The following TMC2 variants were observed in gnomAD, a reference collection of about 807,000 sequenced individuals.
TMC2 encodes transmembrane channel like 2.
In TMC2, 102 loss-of-function variants were observed where a neutral mutation model predicts 105.9. That is an observed-to-expected ratio of 0.96 (90% confidence interval 0.82 to 1.14). The LOEUF is 1.14. Among genes scored for constraint, TMC2 ranks in the 50% most tolerant of loss-of-function variants. The probability of loss-of-function intolerance (pLI) is 0.00; values close to 1 mark genes in which losing one functional copy is unlikely to be tolerated. For missense variants in TMC2, 1,093 were observed against 1,134.3 expected (o/e 0.96, Z 0.52); for synonymous variants, 402 against 422.8 (o/e 0.95, Z 0.60).
rs1465925416 is a variant in TMC2, at chr20:2,642,998, T to G, written c.*1647T>G. ...CATAAGCTGTACAATTAAAATAATTTCTAACTTCCCTCCCAAATCCCTTCC... is the reference window on the plus strand; with the variant it reads ...CATAAGCTGTACAATTAAAATAATTGCTAACTTCCCTCCCAAATCCCTTCC... On this transcript the variant is annotated 3_prime_UTR_variant, in exon 20 of 20. Coordinates refer to ENST00000358864, the MANE Select transcript of TMC2 (RefSeq NM_080751.3). Among the ~76,000 whole-genome samples, 1 of 152,130 alleles carries G rather than the reference T, an allele frequency of 6.6e-6. No individual in the cohort carries two copies. Among genetic ancestry groups the G allele is most frequent in the Non-Finnish European group, 1.5e-5 (1 of 68,024 alleles).
chr20:2,586,234 T>C (rs897853404), intron 7 of TMC2, among the ~76,000 whole-genome samples: 1 of 152,202 alleles, frequency 6.6e-6, no homozygotes, highest in African/African-American at 2.4e-5. Flanking sequence ...TTCAGTTCTC[T>C]TTACCATGAG....
chr20:2,627,746 G>T (rs759373721), intron 17 of TMC2, among the ~76,000 whole-genome samples: 1 of 152,076 alleles, frequency 6.6e-6, no homozygotes, highest in East Asian at 1.9e-4. Context: ...TGGAGAGCTG[G>T]ACCAATACAA....
At position 2,641,435 on chromosome 20, in the gene TMC2, C is replaced by T. The variant is rs2086688732; in HGVS notation, c.*84C>T. ...CACATACCAAACCAAGGTTCTCTCC[C>T]CTCTTTCCTCTCACATACATGCTCT... is the stretch of plus-strand genomic sequence containing the variant. On this transcript the variant is annotated 3_prime_UTR_variant, in exon 20 of 20. Transcript: ENST00000358864. 2.5e-6 allele frequency: 2 copies of T among 788,742 alleles called. No individual in the cohort carries two copies. The highest frequency in any genetic ancestry group is 1.6e-5 in the South Asian group (1 of 62,052). The allele number at this position is 788,742 out of a possible 1,614,324, so 48.9% of individuals were successfully genotyped here. A position where few individuals can be genotyped will look rare whatever the true frequency, so the allele number is the denominator to read the frequency against.
rs371287207 is a variant in TMC2 at position 2,602,331 on chromosome 20, G to A, written c.1413+30G>A. 11 of 1,501,036 alleles carry A rather than the reference G, an allele frequency of 7.3e-6. No homozygotes were observed. In the East Asian group the frequency reaches 1.7e-4, roughly 23 times the overall value. The allele number at this position is 1,501,036 out of a possible 1,614,324, so 93.0% of individuals were successfully genotyped here. A position where few individuals can be genotyped will look rare whatever the true frequency, so the allele number is the denominator to read the frequency against. On this transcript the variant is annotated intron_variant, in intron 11 of 19. Transcript: ENST00000358864. The stretch of plus-strand genomic sequence containing the variant: ...GAAAAACATCGCTGATGAACTGAAG[G>A]TTGATGGCAAATACTGAAATCACTG...
At chr20:2,633,434 C>T (rs1177248520) in intron 17 of TMC2, among the ~76,000 whole-genome samples, 1 of 152,208 alleles carries the variant, frequency 6.6e-6, no homozygotes, top group Non-Finnish European at 1.5e-5. Flanking sequence ...ATCCCATTCC[C>T]CAGTTCTCCT....
chr20:2,545,822 G>GAAGGAAGA (rs773895243), intron 2 of TMC2, among the ~76,000 whole-genome samples: 130 of 117,966 alleles, frequency 1.1e-3, no homozygotes, highest in African/African-American at 4.1e-3. Flanking sequence ...AGAGGAAGAG[G>GAAGGAAGA]AAGAAAGAAA....
chr20:2,582,338 C>G (rs1187740307), intron 7 of TMC2, among the ~76,000 whole-genome samples: 1 of 152,092 alleles, frequency 6.6e-6, no homozygotes, highest in Non-Finnish European at 1.5e-5. Context: ...CTTCAGGGCT[C>G]AAGGGTTTTC....
intron 17 of TMC2, among the ~76,000 whole-genome samples, chr20:2,626,290 A>G (rs1342811669): frequency 1.3e-5 from 2 of 152,218 alleles, no homozygotes; most frequent in African/African-American, 2.4e-5. Flanking sequence ...TCTCTACTCA[A>G]CATCATCTGG....
At chr20:2,559,225 G>C (rs1382303985) in intron 3 of TMC2, among the ~76,000 whole-genome samples, 3 of 152,226 alleles carry the variant, frequency 2.0e-5, no homozygotes, top group Non-Finnish European at 4.4e-5. Flanking sequence ...CCTCGTTCCG[G>C]CTTCCGGATC....
chr20:2,594,678 G>T, intron 8 of TMC2, 147 bp from the exon 9 acceptor site: 1 of 766,640 alleles, frequency 1.3e-6, no homozygotes, highest in Non-Finnish European at 2.1e-6. Context: ...GGAGGTGAAG[G>T]GAAGAACAAG....
At chr20:2,640,092 C>G (rs1438214027) in intron 19 of TMC2, among the ~76,000 whole-genome samples, 1 of 152,172 alleles carries the variant, frequency 6.6e-6, no homozygotes, top group African/African-American at 2.4e-5. Context: ...AAGTGATTCT[C>G]CTGCTCAGTC....
intron 7 of TMC2, among the ~76,000 whole-genome samples, chr20:2,581,976 A>AAG (rs373484242): frequency 5.9e-5 from 9 of 151,286 alleles, no homozygotes; most frequent in Non-Finnish European, 1.2e-4. Flanking sequence ...GGTTGAGAGT[A>AAG]AGAGAGAGAG....
At chr20:2,578,042 C>A (rs1290840106) in intron 5 of TMC2, among the ~76,000 whole-genome samples, 1 of 152,032 alleles carries the variant, frequency 6.6e-6, no homozygotes, top group Non-Finnish European at 1.5e-5. Context: ...GGAACCGGGC[C>A]AGGCACAGTG....
chr20:2,559,946 A>T (rs1053003697), intron 3 of TMC2, among the ~76,000 whole-genome samples: 4 of 152,208 alleles, frequency 2.6e-5, no homozygotes, highest in Non-Finnish European at 5.9e-5. Flanking sequence ...ATGCCAAGGC[A>T]TTAGAGAGAT....
At position 2,616,947 on chromosome 20, in the gene TMC2, G is replaced by A. The variant is rs989776027; in HGVS notation, c.1941-125G>A. ...TGGTTAAATGGGAGGCCCCTTACCT[G>A]GGGACTTGCCAGGAAAGCAGCTCGG... On this transcript the variant is annotated intron_variant, in intron 15 of 19. Coordinates refer to ENST00000358864, the MANE Select transcript of TMC2 (RefSeq NM_080751.3). This position sits in a 1 kb window ranked among gnomAD's most constrained non-coding sequence, Gnocchi z 4.8. The A allele has an allele frequency of 4.5e-6, 5 of 1,102,226 alleles. No homozygotes were observed. In the East Asian group the frequency reaches 1.2e-4, roughly 27 times the overall value. 68.3% of individuals were successfully genotyped at this position (1,102,226 alleles called of 1,614,324 possible). A position where few individuals can be genotyped will look rare whatever the true frequency, so the allele number is the denominator to read the frequency against.
At chr20:2,554,874 G>C (rs980399229) in intron 2 of TMC2, among the ~76,000 whole-genome samples, 3 of 152,180 alleles carry the variant, frequency 2.0e-5, no homozygotes, top group Non-Finnish European at 4.4e-5. Context: ...TTTGGTGAAT[G>C]TTCCATATGA....
At chr20:2,587,843 G>A (rs994067572) in intron 7 of TMC2, among the ~76,000 whole-genome samples, 3 of 152,104 alleles carry the variant, frequency 2.0e-5, no homozygotes, top group Non-Finnish European at 4.4e-5. Flanking sequence ...TAGATCTCTT[G>A]AATTTATACT....
chr20:2,548,638 C>CA (rs148686160), intron 2 of TMC2, among the ~76,000 whole-genome samples: 38,811 of 135,902 alleles, frequency 0.29, 6,103 homozygotes, highest in Admixed American at 0.41. Context: ...AACTCCATCT[C>CA]AAAAAAAAAA....
intron 2 of TMC2, among the ~76,000 whole-genome samples, chr20:2,555,078 TA>T (rs1024574633): frequency 8.5e-5 from 13 of 152,144 alleles, no homozygotes; most frequent in African/African-American, 7.2e-5. Flanking sequence ...GCAGTTTTTT[TA>T]TGTTTTTGTT....
Sources: gnomAD v4.1 joint callset for allele counts (sites outside exome capture counted in the v4.1 genomes callset) on GRCh38, gnomAD v4.1.1 for gene constraint, Gnocchi (gnomAD v3.1) non-coding constraint, MANE v1.5 for transcripts, NCBI Gene and HGNC (gene_info 2026-07-23, HGNC 2026-07-21) for gene names.